The following TMEM248 variants were observed in gnomAD, a reference collection of about 807,000 sequenced individuals.
The protein encoded by TMEM248 is transmembrane protein 248.
In TMEM248, 9 loss-of-function variants were observed where a neutral mutation model predicts 30.3. That is an observed-to-expected ratio of 0.30 (90% CI 0.18 to 0.52). The LOEUF is 0.52. Ranked by LOEUF, TMEM248 falls within the 20% of genes least tolerant of loss-of-function variation. The pLI is 0.97. For synonymous variants in TMEM248, 184 were observed against 154.4 expected (o/e 1.19, Z -1.42); for missense variants, 338 against 403.3 (o/e 0.84, Z 1.39).
intron 2 of TMEM248, among the ~76,000 whole-genome samples, chr7:66,942,575 A>C (rs1050684965): frequency 6.6e-6 from 1 of 152,126 alleles, no homozygotes; most frequent in Admixed American, 6.6e-5. Flanking sequence ...AGCTCACTGC[A>C]ACTTCCACCT....
At chr7:66,937,668 C>T (rs1012203402) in intron 1 of TMEM248, among the ~76,000 whole-genome samples, 20 of 152,184 alleles carry the variant, frequency 1.3e-4, no homozygotes, top group Non-Finnish European at 2.5e-4. Context: ...TTCTGCTCTG[C>T]GCTTTTTTGG....
At chr7:66,947,316 A>G (rs1158610952) in intron 3 of TMEM248, among the ~76,000 whole-genome samples, 2 of 152,008 alleles carry the variant, frequency 1.3e-5, no homozygotes, top group Non-Finnish European at 2.9e-5. Flanking sequence ...GAATATTCCC[A>G]TAATAATCAA....
At position 66,932,103 on chromosome 7, in the gene TMEM248, C is replaced by T. The variant is rs770566040; in HGVS notation, c.-18-9745C>T. Among the ~76,000 whole-genome samples, 84 of 151,828 alleles carry T rather than the reference C, an allele frequency of 5.5e-4. 1 individual carries two copies. Among genetic ancestry groups the T allele is most frequent in the African/African-American group, 1.6e-3 (68 of 41,410 alleles). On this transcript the variant is annotated intron_variant, in intron 1 of 6. Coordinates refer to ENST00000341567, the MANE Select transcript of TMEM248 (RefSeq NM_017994.5). ...ACAGGCGTGAGCCACTGCACCCATCCGGCCTTCCTCCTTTACTAGCTGCTT... is the reference window on the plus strand; with the variant it reads ...ACAGGCGTGAGCCACTGCACCCATCTGGCCTTCCTCCTTTACTAGCTGCTT...
chr7:66,925,298 G>A (rs1434769119), intron 1 of TMEM248, among the ~76,000 whole-genome samples: 1 of 152,154 alleles, frequency 6.6e-6, no homozygotes, highest in Non-Finnish European at 1.5e-5. Flanking sequence ...TAGCATTAAA[G>A]GTGTGAGCCA....
At chr7:66,937,773 C>A (rs374952285) in intron 1 of TMEM248, among the ~76,000 whole-genome samples, 1 of 152,012 alleles carries the variant, frequency 6.6e-6, no homozygotes, top group Non-Finnish European at 1.5e-5. Context: ...TGCAATGGCG[C>A]GACCTTGGCT....
chr7:66,940,624 G>A (rs1009178916), intron 1 of TMEM248, among the ~76,000 whole-genome samples: 1 of 152,168 alleles, frequency 6.6e-6, no homozygotes, highest in East Asian at 1.9e-4. Context: ...AAGCCCAGGA[G>A]GGAGGAGGGG....
chr7:66,948,863 T>C (rs2129225427), intron 4 of TMEM248, among the ~76,000 whole-genome samples, 169 bp downstream of exon 4: 1 of 152,358 alleles, frequency 6.6e-6, no homozygotes, highest in East Asian at 1.9e-4. Flanking sequence ...TAAAGGATTA[T>C]TTAATTTGGA....
intron 3 of TMEM248, among the ~76,000 whole-genome samples, 197 bp from the exon 4 acceptor site, chr7:66,948,347 C>T (rs17567255): frequency 0.037 from 5,622 of 152,232 alleles, 162 homozygotes; most frequent in East Asian, 0.087. Context: ...CCACTTCCTT[C>T]GCTGCTTCGT....
intron 1 of TMEM248, among the ~76,000 whole-genome samples, chr7:66,928,041 C>T (rs1186216577): frequency 6.6e-6 from 1 of 151,996 alleles, no homozygotes; most frequent in Non-Finnish European, 1.5e-5. Flanking sequence ...TTGGTGAAAC[C>T]CTGTCTCTAC....
In TMEM248 at chr7:66,948,635, G is replaced by A; in HGVS notation, c.537G>A (p.Gln179=). ...DDCALHGHCE[Q]VVFTACMTLT... is the part of the protein sequence containing the mutation. ...GCGCCCTCCACGGTCACTGTGAGCA[G>A]GTGGTATTCACAGCCTGCATGACCC... Residue 179 remains glutamine, a synonymous_variant, in exon 4 of 7, where the codon CAG becomes CAA. Transcript: ENST00000341567. The A allele has an allele frequency of 6.2e-7, 1 of 1,614,130 alleles. No homozygotes were observed. The highest frequency in any genetic ancestry group is 1.1e-5 in the South Asian group (1 of 91,078).
intron 5 of TMEM248, among the ~76,000 whole-genome samples, chr7:66,951,568 G>A (rs1184030807): frequency 6.6e-6 from 1 of 151,832 alleles, no homozygotes; most frequent in Non-Finnish European, 1.5e-5. Flanking sequence ...TTCGGCTAGA[G>A]AGTGAGGCCT....
intron 1 of TMEM248, among the ~76,000 whole-genome samples, chr7:66,924,835 G>A (rs569830958): frequency 4.2e-4 from 63 of 151,782 alleles, no homozygotes; most frequent in Admixed American, 3.6e-3. Context: ...TCAGCCTCCC[G>A]TGTAGCTGGG....
At chr7:66,941,093 A>T (rs559558582) in intron 1 of TMEM248, among the ~76,000 whole-genome samples, 2 of 152,212 alleles carry the variant, frequency 1.3e-5, no homozygotes, top group South Asian at 4.1e-4. Flanking sequence ...CTTAAAAGGT[A>T]ATAAATTAGC....
At chr7:66,935,112 G>C (rs1562939329) in intron 1 of TMEM248, among the ~76,000 whole-genome samples, 2 of 152,118 alleles carry the variant, frequency 1.3e-5, no homozygotes, top group African/African-American at 2.4e-5. Flanking sequence ...ATTGAACTCT[G>C]ATTTACTGTT....
At position 66,951,108 on chromosome 7, in the gene TMEM248, T is replaced by C. The variant is rs1452110025; in HGVS notation, c.753T>C (p.Asn251=). 1 of 1,600,134 alleles carries C rather than the reference T, an allele frequency of 6.2e-7. No homozygotes were observed. Among genetic ancestry groups the C allele is most frequent in the Admixed American group, 1.8e-5 (1 of 56,934 alleles). The change falls in exon 5 of 7, where the codon AAT becomes AAC. Residue 251 remains asparagine, a synonymous_variant. Coordinates refer to ENST00000341567, the MANE Select transcript of TMEM248 (RefSeq NM_017994.5). ...TTGGAAAAGTCTATCATGCTTTAAA[T>C]CCCAAGCTTACAGTGATTGTTCCAG... ...GAIGKVYHAL[N]PKLTVIVPDD...
chr7:66,926,617 CAG>C (rs1012287586), intron 1 of TMEM248, among the ~76,000 whole-genome samples: 1 of 132,058 alleles, frequency 7.6e-6, no homozygotes, highest in Admixed American at 8.4e-5. Flanking sequence ...GCCTGGGTGA[CAG>C]AGCAAGACTC....
At chr7:66,946,334 T>C (rs970802372) in intron 3 of TMEM248, among the ~76,000 whole-genome samples, 2 of 151,944 alleles carry the variant, frequency 1.3e-5, no homozygotes, top group African/African-American at 2.4e-5. Flanking sequence ...TCCCAGCACT[T>C]TGGGAGGCCG....
intron 6 of TMEM248, among the ~76,000 whole-genome samples, chr7:66,954,668 G>A (rs1405365655): frequency 2.0e-5 from 3 of 152,086 alleles, no homozygotes; most frequent in African/African-American, 7.2e-5. Context: ...AAGATTACAG[G>A]TGATTACAGG....
chr7:66,950,888 G>T, intron 4 of TMEM248, 64 bp from the exon 5 acceptor site: 2 of 1,358,516 alleles, frequency 1.5e-6, no homozygotes, highest in Non-Finnish European at 2.0e-6. Flanking sequence ...CTGCTGTGGG[G>T]GTGACACAAG....
Sources: gnomAD v4.1 joint callset for allele counts (sites outside exome capture counted in the v4.1 genomes callset) on GRCh38, gnomAD v4.1.1 for gene constraint, MANE v1.5 for transcripts, NCBI Gene and HGNC (gene_info 2026-07-23, HGNC 2026-07-21) for gene names.